Variants in CDH4 observed in about 807,000 individuals in gnomAD.
The protein encoded by CDH4 is cadherin 4, also known as cadherin-4.
CDH4 carries 33 observed loss-of-function variants against 86.0 expected under a neutral mutation model. The ratio of observed to expected loss-of-function variants is 0.38; its 90% CI spans 0.29 to 0.51. CDH4 has a LOEUF of 0.51. Ranked by LOEUF, CDH4 falls within the 20% of genes least tolerant of loss-of-function variation. CDH4 has a pLI of 0.86. For missense variants in CDH4, 1,114 were observed against 1,307.4 expected (o/e 0.85, Z 2.28); for synonymous variants, 555 against 549.4 (o/e 1.01, Z -0.14).
At chr20:61,798,174 C>CCCCCG (rs11473052) in intron 4 of CDH4, among the ~76,000 whole-genome samples, 48,694 of 150,070 alleles carry the variant, frequency 0.32, 8,086 homozygotes, top group African/African-American at 0.41. Context: ...GCAGCCATAA[C>CCCCCG]CCCCGCCCCG....
At chr20:61,862,627 T>A (rs1983378854) in intron 6 of CDH4, among the ~76,000 whole-genome samples, 1 of 152,202 alleles carries the variant, frequency 6.6e-6, no homozygotes, top group Non-Finnish European at 1.5e-5. Context: ...TTTCCACCGC[T>A]GTCCCCCGCA....
intron 2 of CDH4, among the ~76,000 whole-genome samples, chr20:61,563,909 G>C (rs1040126138): frequency 6.6e-6 from 1 of 152,178 alleles, no homozygotes; most frequent in African/African-American, 2.4e-5. Context: ...GTGGGGCCTG[G>C]ATTACAACCT....
At chr20:61,357,901 A>G (rs1346938978) in intron 2 of CDH4, among the ~76,000 whole-genome samples, 1 of 152,022 alleles carries the variant, frequency 6.6e-6, no homozygotes, top group African/African-American at 2.4e-5. Flanking sequence ...TTTTTTCCCC[A>G]GTCACCCCTA....
intron 3 of CDH4, among the ~76,000 whole-genome samples, chr20:61,751,600 T>G (rs1051032942): frequency 6.6e-6 from 1 of 152,196 alleles, no homozygotes; most frequent in Admixed American, 6.5e-5. Context: ...GTAGAGCAGG[T>G]GCCAGCATGC....
At chr20:61,850,615 G>C (rs1211889366) in intron 5 of CDH4, among the ~76,000 whole-genome samples, 4 of 152,232 alleles carry the variant, frequency 2.6e-5, no homozygotes, top group African/African-American at 9.7e-5. Flanking sequence ...TCCTAATCTT[G>C]TCTCCCGGAA....
In CDH4 at chr20:61,756,552, C is replaced by A. The variant is rs1355761772; in HGVS notation, c.396+12763C>A. ...GGCCCATCACCCCATCCCCTGGACCCTCCCTCATCCCCGGGTCCCTCCCCC... is the reference window on the plus strand; with the variant it reads ...GGCCCATCACCCCATCCCCTGGACCATCCCTCATCCCCGGGTCCCTCCCCC... On this transcript the variant is annotated intron_variant, in intron 3 of 15. Transcript: ENST00000614565. Among the ~76,000 whole-genome samples the A allele has an allele frequency of 3.3e-5, 5 of 150,712 alleles. No homozygotes were observed. In the East Asian group the frequency reaches 9.9e-4, roughly 30 times the overall value.
chr20:61,468,749 A>G (rs1213753277), intron 2 of CDH4, among the ~76,000 whole-genome samples: 1 of 152,042 alleles, frequency 6.6e-6, no homozygotes, highest in African/African-American at 2.4e-5. Context: ...TCTACTCTCT[A>G]TCTCCATGAG....
intron 2 of CDH4, among the ~76,000 whole-genome samples, chr20:61,394,281 T>G (rs768691288): frequency 6.6e-6 from 1 of 152,020 alleles, no homozygotes; most frequent in Non-Finnish European, 1.5e-5. Context: ...CACTCCAGCA[T>G]CTCCTGCCAT....
intron 2 of CDH4, among the ~76,000 whole-genome samples, chr20:61,734,076 G>A (rs761778358): frequency 1.3e-4 from 20 of 152,206 alleles, no homozygotes; most frequent in South Asian, 2.1e-4. Context: ...GGGTTAACCC[G>A]GAAGCCTCCT....
At chr20:61,682,297 G>A (rs114356075) in intron 2 of CDH4, among the ~76,000 whole-genome samples, 99 of 151,814 alleles carry the variant, frequency 6.5e-4, no homozygotes, top group African/African-American at 2.3e-3. Context: ...TGGATGAATG[G>A]ACAAAGGGAC....
At chr20:61,934,002 G>C (rs1048038954) in intron 14 of CDH4, 54 bp from the exon 15 acceptor site, 3 of 1,593,588 alleles carry the variant, frequency 1.9e-6, no homozygotes, top group African/African-American at 1.3e-5. Context: ...AGGGTGGAAG[G>C]GGGGCTGGCG....
At chr20:61,284,911 T>G (rs1156277622) in intron 2 of CDH4, among the ~76,000 whole-genome samples, 1 of 152,190 alleles carries the variant, frequency 6.6e-6, no homozygotes, top group Non-Finnish European at 1.5e-5. Flanking sequence ...CATGAATGGG[T>G]GGGGCTGTGT....
At chr20:61,563,309 G>A (rs927730127) in intron 2 of CDH4, among the ~76,000 whole-genome samples, 1 of 152,212 alleles carries the variant, frequency 6.6e-6, no homozygotes, top group African/African-American at 2.4e-5. Context: ...ATCAGCTTCC[G>A]TTTCTGCTCC....
chr20:61,936,659 G>A (rs2055194043), intron 15 of CDH4, 78 bp from the exon 16 acceptor site: 1 of 1,220,280 alleles, frequency 8.2e-7, no homozygotes, highest in Non-Finnish European at 1.1e-6. Flanking sequence ...CTTCTTCTGG[G>A]CCTCGCTTTC....
At chr20:61,816,889 G>A (rs1980747129) in intron 4 of CDH4, among the ~76,000 whole-genome samples, 1 of 152,198 alleles carries the variant, frequency 6.6e-6, no homozygotes, top group Admixed American at 6.5e-5. Context: ...GGTCATTTAT[G>A]TTTGTTCCCT....
chr20:61,655,052 T>C (rs1489213704), intron 2 of CDH4, among the ~76,000 whole-genome samples: 1 of 152,280 alleles, frequency 6.6e-6, no homozygotes, highest in Admixed American at 6.5e-5. Flanking sequence ...AGTGTCTTCA[T>C]CTGAGTCAAG....
intron 2 of CDH4, among the ~76,000 whole-genome samples, chr20:61,356,299 G>A (rs28568968): frequency 0.25 from 38,252 of 151,998 alleles, 5,070 homozygotes; most frequent in South Asian, 0.36. Context: ...CTGTGTCATC[G>A]CAGCACCACA....
chr20:61,547,145 A>G (rs1007038135), intron 2 of CDH4, among the ~76,000 whole-genome samples: 1 of 150,310 alleles, frequency 6.7e-6, no homozygotes, highest in African/African-American at 2.5e-5. Flanking sequence ...AAGACCCCCA[A>G]GTGCAAGTAG....
chr20:61,723,922 T>C (rs1211674943), intron 2 of CDH4, among the ~76,000 whole-genome samples: 5 of 133,440 alleles, frequency 3.7e-5, no homozygotes, highest in South Asian at 2.7e-4. Flanking sequence ...GGAGGCTCCA[T>C]GTGGCAGGGG....
Sources: gnomAD v4.1 joint callset for allele counts (sites outside exome capture counted in the v4.1 genomes callset) on GRCh38, gnomAD v4.1.1 for gene constraint, MANE v1.5 for transcripts, NCBI Gene and HGNC (gene_info 2026-07-23, HGNC 2026-07-21) for gene names.